CACNA1A: variants seen among roughly 807,000 people sequenced by gnomAD.
The protein encoded by CACNA1A is calcium voltage-gated channel subunit alpha1 A.
CACNA1A carries 57 observed loss-of-function variants against 262.4 expected under a neutral mutation model. The ratio of observed to expected loss-of-function variants is 0.22; its 90% confidence interval spans 0.18 to 0.27. CACNA1A has a LOEUF of 0.27. CACNA1A is among the 10% of genes least tolerant of loss of function. CACNA1A has a pLI of 1.00. For synonymous variants in CACNA1A, 1,431 were observed against 1,419.3 expected (o/e 1.01, Z -0.18); for missense variants, 2,526 against 3,562.8 (o/e 0.71, Z 7.41).
chr19:13,283,313 G>A lies in CACNA1A; in HGVS notation c.3776C>T (p.Ala1259Val). ...CTGCACAGGGTCCTCGGCGGCCAGG[G>A]CGATGCTGCTCATGGCAATGACCAT... ...ILMVIAMSSIALAAEDPVQPN... is the reference protein window; with the variant it reads ...ILMVIAMSSIVLAAEDPVQPN... The change falls in exon 22 of 47, where the codon GCC becomes GTC. Residue 1259 changes from alanine to valine, a missense_variant. Around this residue, in one of 17 missense-constraint regions of CACNA1A, gnomAD observed 137 missense variants for 377.7 expected, o/e 0.36. Transcript: ENST00000360228. 6.2e-7 allele frequency: 1 copy of A among 1,613,988 alleles called. No homozygotes were observed. Among genetic ancestry groups the A allele is most frequent in the Non-Finnish European group, 8.5e-7 (1 of 1,179,864 alleles).
chr19:13,387,301 C>T (rs2059632142), intron 3 of CACNA1A, among the ~76,000 whole-genome samples: 1 of 152,158 alleles, frequency 6.6e-6, no homozygotes, highest in South Asian at 2.1e-4. Flanking sequence ...TCAGAACCTG[C>T]TGATTAAAGG....
chr19:13,356,174 C>A (rs16979060), intron 6 of CACNA1A, among the ~76,000 whole-genome samples: 60,502 of 152,036 alleles, frequency 0.4, 13,035 homozygotes, highest in East Asian at 0.85. Flanking sequence ...TGGAGCTGTT[C>A]TAATGAAAAA....
intron 24 of CACNA1A, chr19:13,275,565 C>T (rs1194797870): frequency 2.1e-6 from 1 of 469,938 alleles, no homozygotes; most frequent in Non-Finnish European, 3.9e-6. Context: ...CGAGGCTAGT[C>T]TACAGGAAGC....
At chr19:13,450,545 T>C (rs546088934) in intron 3 of CACNA1A, 1 of 152,222 alleles carries the variant, frequency 6.6e-6, no homozygotes, top group Non-Finnish European at 1.5e-5. Context: ...TCTCCATCAG[T>C]AGACTCTCAG....
At chr19:13,251,852 C>T (rs952039262) in intron 30 of CACNA1A, among the ~76,000 whole-genome samples, 35 of 152,108 alleles carry the variant, frequency 2.3e-4, no homozygotes, top group African/African-American at 8.2e-4. Flanking sequence ...GTAACCTCCA[C>T]TTTGTGGGTT....
At chr19:13,277,332 A>G in intron 22 of CACNA1A, 1 of 499,356 alleles carries the variant, frequency 2.0e-6, no homozygotes, top group Non-Finnish European at 3.6e-6. Flanking sequence ...TGTGAATGAA[A>G]TTGTCCAGCA....
Position 13,313,059 on chromosome 19 carries a change from C to T in CACNA1A, c.1556-278G>A, listed in dbSNP as rs1304626368. Reference sequence around the variant, plus strand: ...TTTTTATGTGGAGATGGGGGTCTCACTATGTTGCCCTGGCTGGTCTTGAAC... The same window carrying T: ...TTTTTATGTGGAGATGGGGGTCTCATTATGTTGCCCTGGCTGGTCTTGAAC... On this transcript the variant is annotated intron_variant, in intron 11 of 46. Coordinates refer to ENST00000360228, the MANE Select transcript of CACNA1A (RefSeq NM_001127222.2). 2.6e-5 allele frequency among the ~76,000 whole-genome samples: 4 copies of T among 151,942 alleles called. No homozygotes were observed. The East Asian group carries it at 7.8e-4, about 30-fold the overall frequency.
chr19:13,462,142 A>G (rs1332416671), intron 1 of CACNA1A, among the ~76,000 whole-genome samples: 2 of 152,228 alleles, frequency 1.3e-5, no homozygotes, highest in Non-Finnish European at 2.9e-5. Context: ...AAGACCTTGC[A>G]GTGTCCAAGT....
intron 38 of CACNA1A, among the ~76,000 whole-genome samples, chr19:13,219,733 T>A (rs767583138): frequency 6.6e-6 from 1 of 151,932 alleles, no homozygotes; most frequent in African/African-American, 2.4e-5. Context: ...GGTGGGCAGA[T>A]CACGAGGTTG....
intron 24 of CACNA1A, chr19:13,274,581 G>C (rs1314648072): frequency 1.3e-5 from 2 of 152,266 alleles, no homozygotes; most frequent in Non-Finnish European, 2.9e-5. Flanking sequence ...AGACTGATTA[G>C]ATATTTTTCA....
intron 3 of CACNA1A, among the ~76,000 whole-genome samples, chr19:13,437,220 T>A (rs2144859205): frequency 6.6e-6 from 1 of 152,306 alleles, no homozygotes; most frequent in African/African-American, 2.4e-5. Flanking sequence ...GGCAGAGCTG[T>A]GTCCAAATCC....
intron 3 of CACNA1A, among the ~76,000 whole-genome samples, chr19:13,395,942 G>A (rs764964283): frequency 6.6e-6 from 1 of 152,180 alleles, no homozygotes; most frequent in Non-Finnish European, 1.5e-5. Flanking sequence ...CAGTCTATTA[G>A]CATTTACATT....
intron 3 of CACNA1A, among the ~76,000 whole-genome samples, chr19:13,393,635 GCTTT>G (rs1046028137): frequency 1.7e-4 from 23 of 132,154 alleles, no homozygotes; most frequent in African/African-American, 5.8e-4. Flanking sequence ...TCTTTCTTTA[GCTTT>G]CTCTTTCTTT....
At chr19:13,389,224 C>T (rs973700743) in intron 3 of CACNA1A, among the ~76,000 whole-genome samples, 1 of 152,248 alleles carries the variant, frequency 6.6e-6, no homozygotes, top group Non-Finnish European at 1.5e-5. Context: ...TCTAAAAGCC[C>T]CATCCCGTAG....
intron 12 of CACNA1A, among the ~76,000 whole-genome samples, chr19:13,310,324 G>A (rs908177889): frequency 5.3e-5 from 8 of 149,880 alleles, no homozygotes; most frequent in African/African-American, 2.0e-4. Context: ...GGGTGGTGGT[G>A]CATGCCTCTA....
chr19:13,339,092 C>T (rs940237771), intron 6 of CACNA1A, among the ~76,000 whole-genome samples: 4 of 152,072 alleles, frequency 2.6e-5, no homozygotes, highest in African/African-American at 9.7e-5. Context: ...TCTTGAACTC[C>T]TCACCTCCTG....
intron 3 of CACNA1A, among the ~76,000 whole-genome samples, chr19:13,442,699 G>A (rs1239034776): frequency 1.3e-5 from 2 of 152,196 alleles, no homozygotes; most frequent in Non-Finnish European, 2.9e-5. Context: ...CTGTCATAGA[G>A]GGAGGAGCTT....
intron 24 of CACNA1A, among the ~76,000 whole-genome samples, chr19:13,264,009 C>G (rs1464856848): frequency 1.3e-5 from 2 of 152,162 alleles, no homozygotes; most frequent in Non-Finnish European, 2.9e-5. Flanking sequence ...GCTGATGTGG[C>G]TGCTGCCATG....
At chr19:13,229,015 GCT>G in intron 36 of CACNA1A, 1 of 316,254 alleles carries the variant, frequency 3.2e-6, no homozygotes, top group Non-Finnish European at 5.8e-6. Context: ...CTCCCCTGGG[GCT>G]CTCTCTGCAT....
Sources: allele counts gnomAD v4.1 joint callset (sites outside exome capture counted in the v4.1 genomes callset), GRCh38; gene constraint gnomAD v4.1.1; regional missense constraint gnomAD v4.1.1; transcripts MANE v1.5; gene names NCBI Gene and HGNC (gene_info 2026-07-23, HGNC 2026-07-21).